Variants in MDGA2 observed in about 807,000 individuals in gnomAD.
MDGA2 encodes the protein MAM domain-containing glycosylphosphatidylinositol anchor protein 2.
In MDGA2, 40 loss-of-function variants were observed where a neutral mutation model predicts 117.8. The observed-to-expected ratio is 0.34, with a 90% CI of 0.26 to 0.44. MDGA2 has a LOEUF of 0.44. MDGA2 is among the 20% of genes least tolerant of loss of function. The probability of loss-of-function intolerance (pLI) is 1.00; values close to 1 mark genes in which losing one functional copy is unlikely to be tolerated. For missense variants in MDGA2, 1,123 were observed against 1,250.6 expected (o/e 0.90, Z 1.54); for synonymous variants, 452 against 439.0 (o/e 1.03, Z -0.37).
At chr14:46,941,509 A>T (rs142324526) in intron 9 of MDGA2, among the ~76,000 whole-genome samples, 74 of 152,220 alleles carry the variant, frequency 4.9e-4, no homozygotes, top group African/African-American at 1.7e-3. Flanking sequence ...TCATCCATTA[A>T]TCATTCCTTC....
At chr14:47,025,311 C>T (rs1170572681) in intron 8 of MDGA2, among the ~76,000 whole-genome samples, 1 of 152,086 alleles carries the variant, frequency 6.6e-6, no homozygotes, top group Non-Finnish European at 1.5e-5. Flanking sequence ...CATTAAATTG[C>T]TTCTGGATTT....
At chr14:47,247,371 C>G (rs1018279907) in intron 2 of MDGA2, among the ~76,000 whole-genome samples, 1 of 148,288 alleles carries the variant, frequency 6.7e-6, no homozygotes, top group African/African-American at 2.5e-5. Context: ...GTGGTGTGAT[C>G]TCAGCTCACT....
intron 1 of MDGA2, among the ~76,000 whole-genome samples, chr14:47,561,366 T>C (rs1342711434): frequency 6.6e-6 from 1 of 152,052 alleles, no homozygotes; most frequent in East Asian, 1.9e-4. Context: ...TCCATGAGCA[T>C]GGAATGTTTT....
At chr14:47,067,594 CTCTT>C (rs1175668741) in intron 6 of MDGA2, among the ~76,000 whole-genome samples, 1 of 150,096 alleles carries the variant, frequency 6.7e-6, no homozygotes, top group Non-Finnish European at 1.5e-5. Context: ...AGCCGCGTGC[CTCTT>C]TCTTTCCAAC....
At chr14:46,897,651 G>A (rs1883129813) in intron 10 of MDGA2, among the ~76,000 whole-genome samples, 1 of 25,440 alleles carries the variant, frequency 3.9e-5, no homozygotes, top group Non-Finnish European at 1.4e-4. Context: ...ATGTTTAACA[G>A]TAAGTAAGAA....
At chr14:47,640,723 C>T (rs1897407382) in intron 1 of MDGA2, among the ~76,000 whole-genome samples, 1 of 152,108 alleles carries the variant, frequency 6.6e-6, no homozygotes, top group South Asian at 2.1e-4. Flanking sequence ...ACTGAACATG[C>T]TTATCCCTCT....
intron 1 of MDGA2, among the ~76,000 whole-genome samples, chr14:47,446,296 T>C (rs1466805699): frequency 1.3e-5 from 2 of 152,112 alleles, no homozygotes; most frequent in Non-Finnish European, 1.5e-5. Flanking sequence ...CATTGGGAAT[T>C]ATATGTGAGA....
intron 8 of MDGA2, among the ~76,000 whole-genome samples, chr14:46,988,688 A>G (rs1886959720): frequency 6.6e-6 from 1 of 151,996 alleles, no homozygotes; most frequent in Non-Finnish European, 1.5e-5. Flanking sequence ...AGAGGGATGG[A>G]TGGAGTAGAG....
chr14:47,610,929 T>C (rs1455989674), intron 1 of MDGA2, among the ~76,000 whole-genome samples: 1 of 152,010 alleles, frequency 6.6e-6, no homozygotes. Flanking sequence ...AGGACAAATC[T>C]GAGGGCATCA....
chr14:47,140,177 C>G (rs1445692466), intron 4 of MDGA2, among the ~76,000 whole-genome samples: 1 of 151,796 alleles, frequency 6.6e-6, no homozygotes, highest in African/African-American at 2.4e-5. Flanking sequence ...ATGAGAAAAA[C>G]TGAAGAGGAT....
chr14:46,951,968 C>G (rs1339457282), intron 9 of MDGA2, among the ~76,000 whole-genome samples: 1 of 151,920 alleles, frequency 6.6e-6, no homozygotes, highest in Non-Finnish European at 1.5e-5. Flanking sequence ...AATTAAACCT[C>G]ATATCATCTA....
chr14:47,592,973 T>C (rs948400514), intron 1 of MDGA2, among the ~76,000 whole-genome samples: 4 of 152,072 alleles, frequency 2.6e-5, no homozygotes, highest in Admixed American at 6.6e-5. Context: ...GGAGAAAATT[T>C]TTGCAATCTA....
intron 5 of MDGA2, among the ~76,000 whole-genome samples, chr14:47,120,964 AC>A (rs1211568971): frequency 7.9e-5 from 12 of 152,320 alleles, no homozygotes; most frequent in African/African-American, 2.9e-4. Context: ...ATTTAGCTAT[AC>A]CACATTATTA....
At chr14:47,059,150 G>A (rs893810101) in intron 7 of MDGA2, 51 of 831,820 alleles carry the variant, frequency 6.1e-5, no homozygotes, top group Non-Finnish European at 7.9e-5. Flanking sequence ...AAAGGTGTAT[G>A]CATAAATTAG....
chr14:46,906,345 G>A (rs1283489997), intron 10 of MDGA2, among the ~76,000 whole-genome samples: 1 of 151,746 alleles, frequency 6.6e-6, no homozygotes, highest in African/African-American at 2.4e-5. Context: ...TAAATTCATA[G>A]TCCTAAAATA....
chr14:47,110,820 G>A (rs1880996444), intron 5 of MDGA2, among the ~76,000 whole-genome samples: 1 of 152,000 alleles, frequency 6.6e-6, no homozygotes, highest in East Asian at 1.9e-4. Flanking sequence ...ATCTATGTTT[G>A]GCTACTCAAA....
intron 3 of MDGA2, among the ~76,000 whole-genome samples, chr14:47,172,101 C>A (rs559661275): frequency 6.6e-6 from 1 of 152,114 alleles, no homozygotes; most frequent in Non-Finnish European, 1.5e-5. Context: ...GGGAGGGGCA[C>A]CCACCATAGC....
intron 8 of MDGA2, among the ~76,000 whole-genome samples, chr14:47,024,799 T>C (rs532824627): frequency 6.6e-6 from 1 of 152,204 alleles, no homozygotes; most frequent in Non-Finnish European, 1.5e-5. Flanking sequence ...AATGTTATAA[T>C]GCATGGTCAG....
intron 9 of MDGA2, among the ~76,000 whole-genome samples, chr14:46,956,879 A>T (rs939598552): frequency 3.3e-5 from 5 of 152,070 alleles, no homozygotes; most frequent in African/African-American, 1.2e-4. Flanking sequence ...GTCAGTTCCC[A>T]TGAGATCTGA....
Sources: allele counts gnomAD v4.1 joint callset (sites outside exome capture counted in the v4.1 genomes callset), GRCh38; gene constraint gnomAD v4.1.1; transcripts MANE v1.5; gene names NCBI Gene and HGNC (gene_info 2026-07-23, HGNC 2026-07-21).